Variants in MAOB observed in about 807,000 individuals in gnomAD.
MAOB encodes the protein monoamine oxidase B.
MAOB carries 15 observed loss-of-function variants against 41.9 expected under a neutral mutation model. That is an observed-to-expected ratio of 0.36 (90% CI 0.24 to 0.55). MAOB has a LOEUF of 0.55. Among genes scored for constraint, MAOB ranks in the 20% least tolerant of loss-of-function variants. The pLI is 0.86. For synonymous variants in MAOB, 167 were observed against 144.2 expected, an observed-to-expected ratio of 1.16 and a Z score of -1.13; for missense variants, 345 against 398.7, an observed-to-expected ratio of 0.87 and a Z score of 1.15.
intron 8 of MAOB, among the ~76,000 whole-genome samples, chrX:43,788,591 T>C (rs987968086): frequency 4.5e-5 from 5 of 111,280 alleles, no homozygotes; most frequent in African/African-American, 1.3e-4. Flanking sequence ...AAAATGACTA[T>C]CAACAGCTGA....
At chrX:43,799,440 C>T (rs1269802531) in intron 5 of MAOB, among the ~76,000 whole-genome samples, 2 of 111,505 alleles carry the variant, frequency 1.8e-5, no homozygotes. Context: ...TAACTGAAAC[C>T]TAACATTGGC....
At chrX:43,785,945 A>C (rs2034393144) in intron 8 of MAOB, among the ~76,000 whole-genome samples, 1 of 112,402 alleles carries the variant, frequency 8.9e-6, no homozygotes, top group Non-Finnish European at 1.9e-5. Context: ...AAAGTTTGAA[A>C]TATTGTTAGA....
intron 1 of MAOB, among the ~76,000 whole-genome samples, chrX:43,848,568 G>C (rs1010099851): frequency 1.1e-4 from 12 of 106,870 alleles, no homozygotes; most frequent in African/African-American, 3.8e-4. Context: ...GTTTTGTTTT[G>C]TTGAGACGAA....
At chrX:43,857,730 G>A (rs1489184998) in intron 1 of MAOB, among the ~76,000 whole-genome samples, 1 of 111,257 alleles carries the variant, frequency 9.0e-6, no homozygotes, top group Non-Finnish European at 1.9e-5. Context: ...ACTTGTCTCG[G>A]AGTCAGAGAT....
intron 3 of MAOB, among the ~76,000 whole-genome samples, chrX:43,819,760 G>A (rs139898699): frequency 0.015 from 1,699 of 111,247 alleles, 31 homozygotes; most frequent in African/African-American, 0.053. Flanking sequence ...CTTTTGGGGC[G>A]GAGATTGGTG....
At chrX:43,792,476 G>A (rs1179285999) in intron 8 of MAOB, among the ~76,000 whole-genome samples, 6 of 111,624 alleles carry the variant, frequency 5.4e-5, no homozygotes, top group African/African-American at 2.0e-4. Flanking sequence ...AATCTACAAG[G>A]AACTTAATTC....
At chrX:43,858,165 G>A (rs966790423) in intron 1 of MAOB, among the ~76,000 whole-genome samples, 1 of 111,421 alleles carries the variant, frequency 9.0e-6, no homozygotes, top group African/African-American at 3.3e-5. Context: ...CCTCCCTCCT[G>A]TATGTGAAGC....
chrX:43,795,050 T>C (rs2034510480), intron 7 of MAOB, among the ~76,000 whole-genome samples: 1 of 111,120 alleles, frequency 9.0e-6, no homozygotes, highest in Non-Finnish European at 1.9e-5. Context: ...ATGTGTCCTC[T>C]GAATTCAACT....
At chrX:43,808,484 T>C (rs1246631881) in intron 3 of MAOB, among the ~76,000 whole-genome samples, 9 of 110,273 alleles carry the variant, frequency 8.2e-5, no homozygotes, top group Non-Finnish European at 1.7e-4. Context: ...CCTGGAAACA[T>C]AAAGACAATT....
At chrX:43,768,502 C>T in intron 14 of MAOB, 152 bp downstream of exon 14, 1 of 456,972 alleles carries the variant, frequency 2.2e-6, no homozygotes, top group Non-Finnish European at 3.8e-6. Context: ...CACCTCTACC[C>T]TAACCCATGA....
chrX:43,850,791 T>C lies in MAOB; in HGVS notation c.47-7027A>G, dbSNP rs752880193. Among the ~76,000 whole-genome samples, 3 of 112,186 alleles carry C rather than the reference T, an allele frequency of 2.7e-5. No individual in the cohort carries two copies. The East Asian group carries it at 8.4e-4, about 31-fold the overall frequency. The stretch of plus-strand genomic sequence containing the variant: ...CTGAAGCCTCAGGCTGTGGGATGAT[T>C]TATGCTCTTGAAAAAGATAAAAAAC... On this transcript the variant is annotated intron_variant, in intron 1 of 14. Transcript: ENST00000378069.
intron 11 of MAOB, among the ~76,000 whole-genome samples, chrX:43,777,260 T>A (rs1321433944): frequency 9.0e-6 from 1 of 111,605 alleles, no homozygotes; most frequent in Non-Finnish European, 1.9e-5. Flanking sequence ...AAACTAATAA[T>A]TTTTAACAGA....
At chrX:43,871,451 C>A (rs2035407093) in intron 1 of MAOB, among the ~76,000 whole-genome samples, 1 of 108,471 alleles carries the variant, frequency 9.2e-6, no homozygotes, top group East Asian at 2.9e-4. Flanking sequence ...TCCTTCAGGG[C>A]CTCTGAGGCC....
intron 3 of MAOB, among the ~76,000 whole-genome samples, chrX:43,820,539 T>C (rs979502448): frequency 8.9e-6 from 1 of 112,052 alleles, no homozygotes; most frequent in African/African-American, 3.2e-5. Flanking sequence ...AGCTTCACCA[T>C]AATCATCGCA....
At chrX:43,832,926 G>A (rs949226688) in intron 3 of MAOB, among the ~76,000 whole-genome samples, 1 of 111,707 alleles carries the variant, frequency 9.0e-6, no homozygotes, top group Non-Finnish European at 1.9e-5. Flanking sequence ...GTACTCAACT[G>A]TGGAAAATCT....
intron 1 of MAOB, among the ~76,000 whole-genome samples, chrX:43,858,372 C>G (rs1418887860): frequency 1.8e-5 from 2 of 111,091 alleles, no homozygotes; most frequent in Non-Finnish European, 3.8e-5. Context: ...CAATACCTAG[C>G]AAGACCTGCC....
In MAOB at chrX:43,767,405, TC is replaced by T. The variant is rs1392269506; in HGVS notation, c.*60del. ...TTCATGGAACTTTACTGCAACTCTT[TC>T]CCCAAACTCATATCCCAAATACAGT... On this transcript the variant is annotated 3_prime_UTR_variant, in exon 15 of 15. Transcript: ENST00000378069. 2.5e-5 allele frequency: 27 copies of T among 1,095,693 alleles called. No individual in the cohort carries two copies. The Admixed American group carries it at 6.5e-4, about 26-fold the overall frequency. The allele number at this position is 1,095,693 out of a possible 1,213,427, so 90.3% of individuals were successfully genotyped here.
rs759287510 is a variant in MAOB at position 43,784,467 on chromosome X, C to T, written c.929-2923G>A. Among the ~76,000 whole-genome samples, 11 of 112,511 alleles carry T rather than the reference C, an allele frequency of 9.8e-5. No individual in the cohort carries two copies. The South Asian group carries it at 3.0e-3, about 30-fold the overall frequency. ...CTCCTTGCACATCTCCATCAGAGCC[C>T]TTGGGTGACCAGGTGCATTGTCCAT... On this transcript the variant is annotated intron_variant, in intron 8 of 14. Coordinates refer to ENST00000378069, the MANE Select transcript of MAOB (RefSeq NM_000898.5).
chrX:43,791,256 G>A (rs1313388847), intron 8 of MAOB, among the ~76,000 whole-genome samples: 1 of 111,280 alleles, frequency 9.0e-6, no homozygotes, highest in Non-Finnish European at 1.9e-5. Context: ...AGCACCCTAA[G>A]CCAAAATTGT....
Sources: gnomAD v4.1 joint callset for allele counts (sites outside exome capture counted in the v4.1 genomes callset) on GRCh38, gnomAD v4.1.1 for gene constraint, MANE v1.5 for transcripts, NCBI Gene and HGNC (gene_info 2026-07-23, HGNC 2026-07-21) for gene names.